The following CCDC71L variants were observed in gnomAD, a reference collection of about 807,000 sequenced individuals.
CCDC71L encodes coiled-coil domain-containing protein 71L.
In CCDC71L, 6 loss-of-function variants were observed where a neutral mutation model predicts 10.2. That is an observed-to-expected ratio of 0.59 (90% CI 0.32 to 1.16). The LOEUF (loss-of-function observed/expected upper bound fraction) is 1.16. CCDC71L is among the 50% of genes most tolerant of loss of function. The probability of loss-of-function intolerance (pLI) is 0.05; values close to 1 mark genes in which losing one functional copy is unlikely to be tolerated. For synonymous variants in CCDC71L, 204 were observed against 175.5 expected (o/e 1.16, Z -1.28); for missense variants, 366 against 383.4 (o/e 0.95, Z 0.38).
rs986773721 is a variant in CCDC71L at position 106,657,591 on chromosome 7, C to G, written c.*2598G>C. 1 of 152,198 alleles carries G rather than the reference C, an allele frequency of 6.6e-6. No individual in the cohort carries two copies. The highest frequency in any genetic ancestry group is 2.4e-5 in the African/African-American group (1 of 41,450). The allele number at this position is 152,198 out of a possible 1,614,324, so 9.4% of individuals were successfully genotyped here. A position where few individuals can be genotyped will look rare whatever the true frequency, so the allele number is the denominator to read the frequency against. On this transcript the variant is annotated 3_prime_UTR_variant, in exon 1 of 1. Coordinates refer to ENST00000523505, the MANE Select transcript of CCDC71L (RefSeq NM_175884.6). ...TTTTCACATTCTGTGACAAAGTACC[C>G]ATGAAATACTTTCACTTTCCTATTA...
rs1270548634 is a variant in CCDC71L at position 106,661,076 on chromosome 7, C to T, written c.-180G>A. 36 of 921,312 alleles carry T rather than the reference C, an allele frequency of 3.9e-5. No homozygotes were observed. The East Asian group carries it at 7.9e-4, about 20-fold the overall frequency. 57.1% of individuals were successfully genotyped at this position (921,312 alleles called of 1,614,324 possible). ...CGGGCGAATATCCTGCTGCCCGGTA[C>T]AAGATGGCGGCCGGCGCCCACCCCT... On this transcript the variant is annotated 5_prime_UTR_variant, in exon 1 of 1. Coordinates refer to ENST00000523505, the MANE Select transcript of CCDC71L (RefSeq NM_175884.6).
chr7:106,657,384 C>T lies in CCDC71L; in HGVS notation c.*2805G>A, dbSNP rs900257590. ...AATTAAAAATCAAATAAAAGCATAG[C>T]GAGGTGATGAATTTCCTCCTGGCTT... On this transcript the variant is annotated 3_prime_UTR_variant, in exon 1 of 1. Coordinates refer to ENST00000523505, the MANE Select transcript of CCDC71L (RefSeq NM_175884.6). 2 of 152,124 alleles carry T rather than the reference C, an allele frequency of 1.3e-5. No individual in the cohort carries two copies. The highest frequency in any genetic ancestry group is 4.8e-5 in the African/African-American group (2 of 41,428). The allele number at this position is 152,124 out of a possible 1,614,324, so 9.4% of individuals were successfully genotyped here. A position where few individuals can be genotyped will look rare whatever the true frequency, so the allele number is the denominator to read the frequency against.
rs1792475197 is a variant in CCDC71L, at chr7:106,655,483, C to T, written c.*4706G>A. On this transcript the variant is annotated 3_prime_UTR_variant, in exon 1 of 1. Transcript: ENST00000523505. ...TGTACTCACTTTGTTTCCTTTAACA[C>T]CTGAATTATAAACTTTATACAAACT... Among the ~76,000 whole-genome samples the T allele has an allele frequency of 6.6e-6, 1 of 152,076 alleles. No homozygotes were observed. Among genetic ancestry groups the T allele is most frequent in the Admixed American group, 6.6e-5 (1 of 15,252 alleles).
Position 106,660,253 on chromosome 7 carries a change from T to C in CCDC71L, c.644A>G (p.Gln215Arg), listed in dbSNP as rs1167355178. 1 of 1,574,372 alleles carries C rather than the reference T, an allele frequency of 6.4e-7. No homozygotes were observed. Among genetic ancestry groups the C allele is most frequent in the Non-Finnish European group, 8.5e-7 (1 of 1,170,312 alleles). The change falls in exon 1 of 1, where the codon CAG becomes CGG. Residue 215 changes from glutamine to arginine, a missense_variant. By Grantham distance (43) the Gln-to-Arg change is conservative (BLOSUM62 1). Transcript: ENST00000523505. The surrounding 1 kb of genome is among the most constrained non-coding windows in gnomAD (Gnocchi z 7.5). ...GGGTTCCAGGTTCACTCGCAGGACCTGGCGCGCCCTGCGCCGCGCTGCCGC... is the reference window on the plus strand; with the variant it reads ...GGGTTCCAGGTTCACTCGCAGGACCCGGCGCGCCCTGCGCCGCGCTGCCGC... Reference protein sequence around the residue: ...SLAAARRRARQVLRVNLEPMV... With the variant: ...SLAAARRRARRVLRVNLEPMV...
chr7:106,654,690 G>T lies in CCDC71L; in HGVS notation c.*5499C>A, dbSNP rs1023830632. 6.6e-6 allele frequency among the ~76,000 whole-genome samples: 1 copy of T among 152,036 alleles called. No individual in the cohort carries two copies. Among genetic ancestry groups the T allele is most frequent in the Non-Finnish European group, 1.5e-5 (1 of 67,960 alleles). On this transcript the variant is annotated 3_prime_UTR_variant, in exon 1 of 1. Coordinates refer to ENST00000523505, the MANE Select transcript of CCDC71L (RefSeq NM_175884.6). Reference sequence around the variant, plus strand: ...TAATGGCTGATGGGGTGTTAGGGAGGACTTCAGGGGTACTCATAACTGTAT... The same window carrying T: ...TAATGGCTGATGGGGTGTTAGGGAGTACTTCAGGGGTACTCATAACTGTAT...
chr7:106,660,215 G>A lies in CCDC71L; in HGVS notation c.682C>T (p.Arg228Cys), dbSNP rs758447316. The A allele has an allele frequency of 3.8e-6, 6 of 1,572,458 alleles. No homozygotes were observed. The highest frequency in any genetic ancestry group is 2.4e-5 in the East Asian group (1 of 41,598). Residue 228 changes from arginine to cysteine, a missense_variant, in exon 1 of 1, where the codon CGC becomes TGC. Physicochemically the swap from Arg to Cys is radical, Grantham distance 180. Transcript: ENST00000523505. The surrounding 1 kb of genome is among the most constrained non-coding windows in gnomAD (Gnocchi z 7.5). ...RVNLEPMVRL[R>C]RFPVPRA ...CATGCCCGGGGCACCGGGAAGCGGC[G>A]GAGCCTCACCATGGGTTCCAGGTTC...
chr7:106,658,123 A>C lies in CCDC71L; in HGVS notation c.*2066T>G, dbSNP rs1432823560. The C allele has an allele frequency of 6.6e-6, 1 of 152,236 alleles. No individual in the cohort carries two copies. Among genetic ancestry groups the C allele is most frequent in the East Asian group, 1.9e-4 (1 of 5,204 alleles). 9.4% of individuals were successfully genotyped at this position (152,236 alleles called of 1,614,324 possible). On this transcript the variant is annotated 3_prime_UTR_variant, in exon 1 of 1. Coordinates refer to ENST00000523505, the MANE Select transcript of CCDC71L (RefSeq NM_175884.6). ...CAGGTGCTAGTTAGCTATAAAAGTT[A>C]ACAATATATTTTTGGGAAGAAAACC...
In CCDC71L at chr7:106,655,335, T is replaced by A. The variant is rs1408355834; in HGVS notation, c.*4854A>T. Among the ~76,000 whole-genome samples the A allele has an allele frequency of 6.6e-6, 1 of 152,210 alleles. No homozygotes were observed. The highest frequency in any genetic ancestry group is 1.5e-5 in the Non-Finnish European group (1 of 68,018). On this transcript the variant is annotated 3_prime_UTR_variant, in exon 1 of 1. Transcript: ENST00000523505. ...AGAGGATGTTCTATTCTCTGTGCTA[T>A]GAGGAATTAAACCTAAATTACAGGC...
In CCDC71L at chr7:106,655,405, C is replaced by A. The variant is rs74355015; in HGVS notation, c.*4784G>T. On this transcript the variant is annotated 3_prime_UTR_variant, in exon 1 of 1. Coordinates refer to ENST00000523505, the MANE Select transcript of CCDC71L (RefSeq NM_175884.6). ...AATGAGTGTGTCAATGCTTCAAATACAAGATTTTTTTTACTTTCAGTAATA... is the reference window on the plus strand; with the variant it reads ...AATGAGTGTGTCAATGCTTCAAATAAAAGATTTTTTTTACTTTCAGTAATA... Among the ~76,000 whole-genome samples the A allele has an allele frequency of 6.6e-6, 1 of 152,146 alleles. No homozygotes were observed. Among genetic ancestry groups the A allele is most frequent in the Non-Finnish European group, 1.5e-5 (1 of 67,992 alleles).
rs1161222188 is a variant in CCDC71L, at chr7:106,659,754, T to TA, written c.*434dup. The stretch of plus-strand genomic sequence containing the variant: ...ACAGTGAAATAGAAAAAGGGGGAGA[T>TA]AAAGAACAAGTAAATTCTGGCTTTA... On this transcript the variant is annotated 3_prime_UTR_variant, in exon 1 of 1. Transcript: ENST00000523505. 6.4e-6 allele frequency: 1 copy of TA among 156,770 alleles called. No individual in the cohort carries two copies. Among genetic ancestry groups the TA allele is most frequent in the Non-Finnish European group, 1.4e-5 (1 of 70,902 alleles). 9.7% of individuals were successfully genotyped at this position (156,770 alleles called of 1,614,324 possible). A position where few individuals can be genotyped will look rare whatever the true frequency, so the allele number is the denominator to read the frequency against.
In CCDC71L at chr7:106,655,851, A is replaced by G. The variant is rs1015831885; in HGVS notation, c.*4338T>C. Among the ~76,000 whole-genome samples the G allele has an allele frequency of 6.6e-6, 1 of 151,506 alleles. No individual in the cohort carries two copies. Among genetic ancestry groups the G allele is most frequent in the Non-Finnish European group, 1.5e-5 (1 of 67,920 alleles). On this transcript the variant is annotated 3_prime_UTR_variant, in exon 1 of 1. Transcript: ENST00000523505. ...TTCATGCACAAATTCTCTTCTCTTC[A>G]TTTATCTTACAGCTTTCCCAGAGCC...
chr7:106,654,433 GAATA>G lies in CCDC71L; in HGVS notation c.*5752_*5755del, dbSNP rs1469322934. 6.6e-6 allele frequency among the ~76,000 whole-genome samples: 1 copy of G among 151,234 alleles called. No individual in the cohort carries two copies. The highest frequency in any genetic ancestry group is 2.4e-5 in the African/African-American group (1 of 41,130). Reference sequence around the variant, plus strand: ...TCTACCCAAATGCCCACCAAGACTGGAATAAATATATTGTGGAATATTCACACAG... The same window carrying G: ...TCTACCCAAATGCCCACCAAGACTGGAATATATTGTGGAATATTCACACAG... On this transcript the variant is annotated 3_prime_UTR_variant, in exon 1 of 1. Coordinates refer to ENST00000523505, the MANE Select transcript of CCDC71L (RefSeq NM_175884.6).
In CCDC71L at chr7:106,658,968, G is replaced by A. The variant is rs1021329353; in HGVS notation, c.*1221C>T. 5 of 152,252 alleles carry A rather than the reference G, an allele frequency of 3.3e-5. No homozygotes were observed. The highest frequency in any genetic ancestry group is 9.6e-5 in the African/African-American group (4 of 41,548). The allele number at this position is 152,252 out of a possible 1,614,324, so 9.4% of individuals were successfully genotyped here. ...ATGTTTGTAAAACTGATGAATATTA[G>A]TCTAGACATTTCTTGTTATCCAACA... On this transcript the variant is annotated 3_prime_UTR_variant, in exon 1 of 1. Transcript: ENST00000523505.
chr7:106,655,386 T>C lies in CCDC71L; in HGVS notation c.*4803A>G, dbSNP rs1283949153. On this transcript the variant is annotated 3_prime_UTR_variant, in exon 1 of 1. Transcript: ENST00000523505. ...TTTATATCTGACATCCAAAAATGAG[T>C]GTGTCAATGCTTCAAATACAAGATT... is the stretch of plus-strand genomic sequence containing the variant. 6.6e-6 allele frequency among the ~76,000 whole-genome samples: 1 copy of C among 152,152 alleles called. No homozygotes were observed. The highest frequency in any genetic ancestry group is 6.5e-5 in the Admixed American group (1 of 15,278).
chr7:106,660,282 G>A lies in CCDC71L; in HGVS notation c.615C>T (p.Ser205=). The A allele has an allele frequency of 6.4e-7, 1 of 1,565,852 alleles. No homozygotes were observed. Among genetic ancestry groups the A allele is most frequent in the East Asian group, 2.4e-5 (1 of 40,990 alleles). The change falls in exon 1 of 1, where the codon AGC becomes AGT. Residue 205 remains serine (S), a synonymous_variant. Transcript: ENST00000523505. This position sits in a 1 kb window ranked among gnomAD's most constrained non-coding sequence, Gnocchi z 7.5. ...RVGSDVWGER[S]LAAARRRARQ... ...GCGCCCTGCGCCGCGCTGCCGCCAG[G>A]CTGCGCTCGCCCCACACGTCGCTGC...
Position 106,660,578 on chromosome 7 carries a change from G to A in CCDC71L, c.319C>T (p.Leu107=), listed in dbSNP as rs773624158. ...GGGGGCCCCGGGGGGTCGGGTACCA[G>A]GGCCCGGCAGGAGGAGTAGCCGTAG... ...DVYGYSSCRA[L]VPDPPGPPTA... Residue 107 remains leucine (L), a synonymous_variant, in exon 1 of 1, where the codon CTG becomes TTG. Transcript: ENST00000523505. The surrounding 1 kb of genome is among the most constrained non-coding windows in gnomAD (Gnocchi z 7.5). The A allele has an allele frequency of 6.4e-7, 1 of 1,555,792 alleles. No individual in the cohort carries two copies. Among genetic ancestry groups the A allele is most frequent in the Non-Finnish European group, 8.7e-7 (1 of 1,152,538 alleles).
rs1792513681 is a variant in CCDC71L, at chr7:106,657,707, A to G, written c.*2482T>C. 1 of 152,244 alleles carries G rather than the reference A, an allele frequency of 6.6e-6. No individual in the cohort carries two copies. Among genetic ancestry groups the G allele is most frequent in the African/African-American group, 2.4e-5 (1 of 41,466 alleles). 9.4% of individuals were successfully genotyped at this position (152,244 alleles called of 1,614,324 possible). A position where few individuals can be genotyped will look rare whatever the true frequency, so the allele number is the denominator to read the frequency against. ...AAGGGCAAAAATAAAGATTTTTTAC[A>G]TCTTATTTCACAGACTAGAAATGGC... On this transcript the variant is annotated 3_prime_UTR_variant, in exon 1 of 1. Coordinates refer to ENST00000523505, the MANE Select transcript of CCDC71L (RefSeq NM_175884.6).
chr7:106,660,281 G>A lies in CCDC71L; in HGVS notation c.616C>T (p.Leu206=), dbSNP rs373073297. 2.5e-4 allele frequency: 386 copies of A among 1,566,460 alleles called. 2 individuals are homozygous for A. In the African/African-American group the frequency reaches 3.9e-3, roughly 16 times the overall value. Residue 206 remains leucine (L), a synonymous_variant, in exon 1 of 1, where the codon CTG becomes TTG. Transcript: ENST00000523505. The surrounding 1 kb of genome is among the most constrained non-coding windows in gnomAD (Gnocchi z 7.5). ...CGCGCCCTGCGCCGCGCTGCCGCCA[G>A]GCTGCGCTCGCCCCACACGTCGCTG... ...VGSDVWGERS[L]AAARRRARQV...
At position 106,660,845 on chromosome 7, in the gene CCDC71L, T is replaced by G. The variant is rs754432517; in HGVS notation, c.52A>C (p.Thr18Pro). Residue 18 changes from threonine to proline, a missense_variant, in exon 1 of 1, where the codon ACG becomes CCG. By Grantham distance (38) the Thr-to-Pro change is conservative. Coordinates refer to ENST00000523505, the MANE Select transcript of CCDC71L (RefSeq NM_175884.6). The surrounding 1 kb of genome is among the most constrained non-coding windows in gnomAD (Gnocchi z 7.5). ...CTAAAGTCGCCGCCCCGGGCGGCCGTGGCCGGGGCGACCGGGCGCCGGCGC... is the reference window on the plus strand; with the variant it reads ...CTAAAGTCGCCGCCCCGGGCGGCCGGGGCCGGGGCGACCGGGCGCCGGCGC... Reference protein sequence around the residue: ...RRRRRPVAPATAARGGDFRAE... With the variant: ...RRRRRPVAPAPAARGGDFRAE... 1.2e-5 allele frequency: 18 copies of G among 1,495,308 alleles called. No homozygotes were observed. The Admixed American group carries it at 2.4e-4, about 20-fold the overall frequency. The allele number at this position is 1,495,308 out of a possible 1,614,324, so 92.6% of individuals were successfully genotyped here.
Sources: gnomAD v4.1 joint callset for allele counts (sites outside exome capture counted in the v4.1 genomes callset) on GRCh38, gnomAD v4.1.1 for gene constraint, Gnocchi (gnomAD v3.1) non-coding constraint, MANE v1.5 for transcripts, NCBI Gene and HGNC (gene_info 2026-07-23, HGNC 2026-07-21) for gene names.